Variants in ERC2 observed in about 807,000 individuals in gnomAD.
ERC2 encodes the protein ERC protein 2.
A neutral mutation model predicts 114.8 loss-of-function variants in ERC2; 42 were observed. That is an observed-to-expected ratio of 0.37 (90% confidence interval 0.29 to 0.47). The LOEUF is 0.47. Ranked by LOEUF, ERC2 falls within the 20% of genes least tolerant of loss-of-function variation. The pLI, the probability that ERC2 is intolerant of heterozygous loss-of-function variation, is 0.99. For synonymous variants in ERC2, 454 were observed against 425.5 expected, an observed-to-expected ratio of 1.07 and a Z score of -0.82; for missense variants, 939 against 1,150.7, an observed-to-expected ratio of 0.82 and a Z score of 2.66.
chr3:56,275,052 A>G (rs2053905106), intron 3 of ERC2, among the ~76,000 whole-genome samples: 1 of 152,172 alleles, frequency 6.6e-6, no homozygotes, highest in Non-Finnish European at 1.5e-5. Flanking sequence ...TCCCACCTTT[A>G]GATTCTGGCC....
At position 56,410,031 on chromosome 3, in the gene ERC2, A is replaced by G. The variant is rs2060882504; in HGVS notation, c.657+24320T>C. Among the ~76,000 whole-genome samples the G allele has an allele frequency of 2.6e-5, 4 of 152,216 alleles. No homozygotes were observed. The South Asian group carries it at 8.3e-4, about 32-fold the overall frequency. ...GACTGCAAAAGTCTGTGCTGTTCCT[A>G]TTTTCTTAAAATGAAGCCTCATTAC... On this transcript the variant is annotated intron_variant, in intron 2 of 17. Coordinates refer to ENST00000288221, the MANE Select transcript of ERC2 (RefSeq NM_015576.3).
At chr3:55,525,613 C>T (rs2053261345) in intron 17 of ERC2, among the ~76,000 whole-genome samples, 2 of 152,192 alleles carry the variant, frequency 1.3e-5, no homozygotes, top group Admixed American at 1.3e-4. Flanking sequence ...CAGGCCAAAG[C>T]TGACCCAGTG....
chr3:55,826,013 G>GGGAA (rs2060311955), intron 14 of ERC2, among the ~76,000 whole-genome samples: 1 of 151,440 alleles, frequency 6.6e-6, no homozygotes, highest in Non-Finnish European at 1.5e-5. Flanking sequence ...GAGGGAGGGA[G>GGGAA]GGAAGGAAGG....
At chr3:55,927,772 T>C (rs928377042) in intron 13 of ERC2, among the ~76,000 whole-genome samples, 2 of 152,166 alleles carry the variant, frequency 1.3e-5, no homozygotes, top group African/African-American at 4.8e-5. Context: ...TCCCAGCCTC[T>C]GGTAACCATC....
intron 3 of ERC2, among the ~76,000 whole-genome samples, chr3:56,280,349 T>G (rs1031420333): frequency 1.1e-4 from 16 of 152,188 alleles, no homozygotes; most frequent in African/African-American, 3.6e-4. Flanking sequence ...GTATTTGTAT[T>G]GTCTAAAACC....
chr3:56,255,434 G>C (rs1032042229), intron 3 of ERC2, among the ~76,000 whole-genome samples: 1 of 152,108 alleles, frequency 6.6e-6, no homozygotes, highest in Non-Finnish European at 1.5e-5. Context: ...CACCACACTG[G>C]GGCTTGAGTC....
chr3:55,597,709 C>T (rs948421265), intron 17 of ERC2, among the ~76,000 whole-genome samples: 1 of 152,172 alleles, frequency 6.6e-6, no homozygotes, highest in Non-Finnish European at 1.5e-5. Context: ...GTATTTGCAA[C>T]ATCTAGCTCC....
At chr3:55,530,949 G>T (rs1278350317) in intron 17 of ERC2, among the ~76,000 whole-genome samples, 1 of 152,202 alleles carries the variant, frequency 6.6e-6, no homozygotes, top group African/African-American at 2.4e-5. Flanking sequence ...TGATCGGGAG[G>T]TCATCGCACA....
At chr3:55,856,516 A>T (rs1198896042) in intron 14 of ERC2, among the ~76,000 whole-genome samples, 2 of 152,174 alleles carry the variant, frequency 1.3e-5, no homozygotes, top group African/African-American at 2.4e-5. Context: ...TAAACAAAAC[A>T]TATATATACA....
intron 17 of ERC2, among the ~76,000 whole-genome samples, chr3:55,582,901 C>A (rs1272319732): frequency 1.3e-5 from 2 of 152,110 alleles, no homozygotes; most frequent in African/African-American, 4.8e-5. Context: ...GAGAGGAAGC[C>A]CTGAGTCTGA....
Position 55,683,861 on chromosome 3 carries a change from T to C in ERC2, c.2848-2A>G. ...TGCCCATATGCCCTCCTCGTCATCC[T>C]GCGGCCGGCCCGAGGTGGGGAGGTG... On this transcript the variant is annotated splice_acceptor_variant, in intron 16 of 17. Coordinates refer to ENST00000288221, the MANE Select transcript of ERC2 (RefSeq NM_015576.3). LOFTEE classifies it high-confidence loss of function. 6.2e-7 allele frequency: 1 copy of C among 1,612,888 alleles called. No homozygotes were observed. Among genetic ancestry groups the C allele is most frequent in the Non-Finnish European group, 8.5e-7 (1 of 1,179,440 alleles).
At chr3:55,639,672 G>T (rs1478376966) in intron 17 of ERC2, among the ~76,000 whole-genome samples, 1 of 152,112 alleles carries the variant, frequency 6.6e-6, no homozygotes. Context: ...GGCTGATTTC[G>T]ATCCTTATAT....
intron 6 of ERC2, among the ~76,000 whole-genome samples, chr3:56,128,600 G>C (rs567261232): frequency 6.6e-6 from 1 of 152,082 alleles, no homozygotes; most frequent in African/African-American, 2.4e-5. Flanking sequence ...TTTGAATTTG[G>C]ATGAGAATGA....
At chr3:55,773,667 C>T (rs1292375299) in intron 14 of ERC2, among the ~76,000 whole-genome samples, 3 of 152,178 alleles carry the variant, frequency 2.0e-5, no homozygotes, top group South Asian at 2.1e-4. Context: ...AAAGTAGGCC[C>T]CCAGTCAATG....
In ERC2 at chr3:55,551,218, G is replaced by T. The variant is rs551619010; in HGVS notation, c.*40-39942C>A. On this transcript the variant is annotated intron_variant, in intron 17 of 17. Coordinates refer to ENST00000288221, the MANE Select transcript of ERC2 (RefSeq NM_015576.3). ...CACATATATATATTATGGAGGGAGA[G>T]AGATTTATCTCAGGAAATTGGCTGC... is the stretch of plus-strand genomic sequence containing the variant. 4.6e-5 allele frequency among the ~76,000 whole-genome samples: 7 copies of T among 151,844 alleles called. No homozygotes were observed. The South Asian group carries it at 1.5e-3, about 32-fold the overall frequency.
chr3:56,411,972 C>T (rs377131229), intron 2 of ERC2, among the ~76,000 whole-genome samples: 9 of 152,218 alleles, frequency 5.9e-5, no homozygotes, highest in Non-Finnish European at 1.2e-4. Flanking sequence ...CAAGGCCTAA[C>T]TCCCTGAACC....
chr3:55,793,779 T>G (rs2149082982), intron 14 of ERC2, among the ~76,000 whole-genome samples: 1 of 152,246 alleles, frequency 6.6e-6, no homozygotes, highest in East Asian at 1.9e-4. Flanking sequence ...AAAACCTCAG[T>G]ACATCACTAA....
intron 2 of ERC2, among the ~76,000 whole-genome samples, chr3:56,348,304 G>A (rs1053182166): frequency 2.0e-5 from 3 of 151,458 alleles, no homozygotes; most frequent in Non-Finnish European, 4.4e-5. Flanking sequence ...AAAAAACTCT[G>A]GGCCAGGCAC....
rs1289196348 is a variant in ERC2 at position 56,093,970 on chromosome 3, G to A, written c.1474-12986C>T. ...ATGGAGCAGACTTGGGAAACATTGT[G>A]GGCTCTAGTGGTTTATGGTAGACAG... On this transcript the variant is annotated intron_variant, in intron 6 of 17. Coordinates refer to ENST00000288221, the MANE Select transcript of ERC2 (RefSeq NM_015576.3). 3.3e-5 allele frequency among the ~76,000 whole-genome samples: 5 copies of A among 152,110 alleles called. No homozygotes were observed. In the East Asian group the frequency reaches 9.6e-4, roughly 29 times the overall value.
Sources: gnomAD v4.1 joint callset for allele counts (sites outside exome capture counted in the v4.1 genomes callset) on GRCh38, gnomAD v4.1.1 for gene constraint, MANE v1.5 for transcripts, NCBI Gene and HGNC (gene_info 2026-07-23, HGNC 2026-07-21) for gene names.